TRPC5: variants seen among roughly 807,000 people sequenced by gnomAD.
The protein encoded by TRPC5 is short transient receptor potential channel 5.
In TRPC5, 9 loss-of-function variants were observed where a neutral mutation model predicts 56.5. The observed-to-expected ratio is 0.16, with a 90% CI of 0.10 to 0.28. The LOEUF (loss-of-function observed/expected upper bound fraction) is 0.28, where lower values mean the gene tolerates loss of function less well. Ranked by LOEUF, TRPC5 falls within the 10% of genes least tolerant of loss-of-function variation. TRPC5 has a pLI of 1.00. For missense variants in TRPC5, 469 were observed against 748.9 expected, an observed-to-expected ratio of 0.63 and a Z score of 4.36; for synonymous variants, 282 against 278.5, an observed-to-expected ratio of 1.01 and a Z score of -0.13.
At chrX:112,029,662 G>T (rs1450517677) in intron 1 of TRPC5, among the ~76,000 whole-genome samples, 1 of 111,769 alleles carries the variant, frequency 8.9e-6, no homozygotes, top group Non-Finnish European at 1.9e-5. Flanking sequence ...ATTTGTTATT[G>T]ACTGTCTTTT....
intron 1 of TRPC5, among the ~76,000 whole-genome samples, chrX:112,050,306 T>C (rs1469772108): frequency 1.8e-5 from 2 of 113,006 alleles, no homozygotes; most frequent in Non-Finnish European, 3.7e-5. Flanking sequence ...GGAACCCATG[T>C]TGGGCAACAC....
intron 1 of TRPC5, among the ~76,000 whole-genome samples, chrX:112,067,323 G>T (rs1396211234): frequency 4.4e-5 from 5 of 112,656 alleles, no homozygotes; most frequent in African/African-American, 9.7e-5. Flanking sequence ...CCCCTGTGGG[G>T]CCTCTGAATC....
At chrX:111,877,820 A>G (rs1187475592) in intron 3 of TRPC5, among the ~76,000 whole-genome samples, 1 of 111,598 alleles carries the variant, frequency 9.0e-6, no homozygotes, top group African/African-American at 3.3e-5. Context: ...GGCTGTAAAA[A>G]GAAACCTGAG....
chrX:112,047,164 A>C (rs190128632), intron 1 of TRPC5, among the ~76,000 whole-genome samples: 1 of 111,161 alleles, frequency 9.0e-6, no homozygotes, highest in East Asian at 2.8e-4. Flanking sequence ...CAAACTTTTC[A>C]GCACAAAACT....
chrX:111,992,855 G>T (rs1928397763), intron 1 of TRPC5, among the ~76,000 whole-genome samples: 1 of 109,970 alleles, frequency 9.1e-6, no homozygotes, highest in African/African-American at 3.3e-5. Context: ...CATCACCTTG[G>T]CCAAAGTGCT....
At position 111,771,871 on chromosome X, in the gene TRPC5, A is replaced by G. The variant is rs1465618032; in HGVS notation, c.*4442T>C. On this transcript the variant is annotated 3_prime_UTR_variant, in exon 11 of 11. Coordinates refer to ENST00000262839, the MANE Select transcript of TRPC5 (RefSeq NM_012471.3). ...GCTGTCATGGCAGTTCATTTTGGCA[A>G]TTCCTCACAGCTCAGGAAATGTCTC... Among the ~76,000 whole-genome samples the G allele has an allele frequency of 9.1e-6, 1 of 110,444 alleles. No homozygotes were observed. Among genetic ancestry groups the G allele is most frequent in the African/African-American group, 3.3e-5 (1 of 30,328 alleles).
In TRPC5 at chrX:111,944,303, TGAGAGA is replaced by T. The variant is rs774055316; in HGVS notation, c.378+7734_378+7739del. On this transcript the variant is annotated intron_variant, in intron 2 of 10. Coordinates refer to ENST00000262839, the MANE Select transcript of TRPC5 (RefSeq NM_012471.3). ...GTGTGTGTGTGTGTGTGTGTGTGTG[TGAGAGA>T]GAGAGAGAGAGAGAGAGAGAGAGAG... is the stretch of plus-strand genomic sequence containing the variant. Among the ~76,000 whole-genome samples the T allele has an allele frequency of 3.7e-4, 23 of 61,364 alleles. No individual in the cohort carries two copies. In the East Asian group the frequency reaches 5.7e-3, roughly 15 times the overall value. 53.3% of individuals were successfully genotyped at this position (61,364 alleles called of 115,157 possible). A position where few individuals can be genotyped will look rare whatever the true frequency, so the allele number is the denominator to read the frequency against.
chrX:111,799,678 G>C (rs1431216087), intron 7 of TRPC5, among the ~76,000 whole-genome samples: 1 of 111,494 alleles, frequency 9.0e-6, no homozygotes, highest in African/African-American at 3.3e-5. Flanking sequence ...ATTCCTGCTA[G>C]AGAAAACTGT....
chrX:111,789,959 T>A (rs1369811243), intron 7 of TRPC5, among the ~76,000 whole-genome samples: 1 of 111,952 alleles, frequency 8.9e-6, no homozygotes, highest in African/African-American at 3.2e-5. Flanking sequence ...ACACTGTTGG[T>A]GGGAGTGTAA....
At chrX:111,981,309 G>A in intron 1 of TRPC5, among the ~76,000 whole-genome samples, 1 of 111,212 alleles carries the variant, frequency 9.0e-6, no homozygotes, top group South Asian at 3.8e-4. Flanking sequence ...GGTCAGGCAG[G>A]AGGAGTCCCC....
chrX:111,881,560 A>G (rs890484459), intron 3 of TRPC5, among the ~76,000 whole-genome samples: 4 of 111,587 alleles, frequency 3.6e-5, no homozygotes, highest in Non-Finnish European at 7.5e-5. Flanking sequence ...ATTGGCAGAA[A>G]TAAAAATATA....
chrX:111,779,011 CAT>C lies in TRPC5; in HGVS notation c.2204_2205del (p.His735ArgfsTer9). ...VAAMIRNSKTHEGLTEENFKE... is the reference protein window; with the variant it reads ...VAAMIRNSKTXEGLTEENFKE... ...TTAAAATTTTCTTCTGTAAGTCCCT[CAT>C]GTGTTTTGGAATTTCTTATCATAGC... On this transcript the variant is annotated frameshift_variant, in exon 10 of 11. Coordinates refer to ENST00000262839, the MANE Select transcript of TRPC5 (RefSeq NM_012471.3). LOFTEE classifies it high-confidence loss of function. 1.7e-6 allele frequency: 2 copies of C among 1,202,904 alleles called. No individual in the cohort carries two copies. The highest frequency in any genetic ancestry group is 2.2e-6 in the Non-Finnish European group (2 of 890,956).
chrX:111,951,315 T>G (rs1296256266), intron 2 of TRPC5, among the ~76,000 whole-genome samples: 4 of 111,515 alleles, frequency 3.6e-5, no homozygotes, highest in Non-Finnish European at 7.5e-5. Flanking sequence ...GAACCACTCA[T>G]CTAAGAGAGA....
At chrX:112,015,203 C>A (rs1338138825) in intron 1 of TRPC5, among the ~76,000 whole-genome samples, 1 of 110,833 alleles carries the variant, frequency 9.0e-6, no homozygotes, top group Non-Finnish European at 1.9e-5. Context: ...CCACACCTGG[C>A]TAATTTTTTG....
chrX:111,811,934 T>C (rs1018653918), intron 7 of TRPC5, among the ~76,000 whole-genome samples: 1 of 111,538 alleles, frequency 9.0e-6, no homozygotes, highest in East Asian at 2.8e-4. Flanking sequence ...CTACCACAGC[T>C]CTTGAAATGA....
intron 3 of TRPC5, among the ~76,000 whole-genome samples, chrX:111,864,482 T>C (rs1023562404): frequency 4.5e-5 from 5 of 112,016 alleles, no homozygotes; most frequent in Non-Finnish European, 9.4e-5. Context: ...GTCCTGGGAA[T>C]TGGGCTTCTT....
At chrX:112,057,535 T>C (rs1930369686) in intron 1 of TRPC5, among the ~76,000 whole-genome samples, 1 of 112,131 alleles carries the variant, frequency 8.9e-6, no homozygotes, top group South Asian at 3.7e-4. Flanking sequence ...CTTAGTCATC[T>C]TATTTTCAAA....
At position 111,971,411 on chromosome X, in the gene TRPC5, T is replaced by C. The variant is rs1446739427; in HGVS notation, c.-21-18970A>G. 5.1e-4 allele frequency among the ~76,000 whole-genome samples: 57 copies of C among 111,649 alleles called. 1 individual carries two copies. In the Admixed American group the frequency reaches 5.4e-3, roughly 11 times the overall value. On this transcript the variant is annotated intron_variant, in intron 1 of 10. Transcript: ENST00000262839. Reference sequence around the variant, plus strand: ...AATCCAGATAGAATCTCAATTCCTTTTGACACTGGGGCGGGGGCAATCCAA... The same window carrying C: ...AATCCAGATAGAATCTCAATTCCTTCTGACACTGGGGCGGGGGCAATCCAA...
At chrX:111,838,465 T>C (rs1922633172) in intron 6 of TRPC5, among the ~76,000 whole-genome samples, 1 of 110,348 alleles carries the variant, frequency 9.1e-6, no homozygotes, top group African/African-American at 3.3e-5. Context: ...GTGGTGGGGG[T>C]GTACTACTTG....
Sources: gnomAD v4.1 joint callset for allele counts (sites outside exome capture counted in the v4.1 genomes callset) on GRCh38, gnomAD v4.1.1 for gene constraint, MANE v1.5 for transcripts, NCBI Gene and HGNC (gene_info 2026-07-23, HGNC 2026-07-21) for gene names.